CRX: variants seen among roughly 807,000 people sequenced by gnomAD.
CRX encodes the protein cone-rod homeobox protein.
In CRX, 5 loss-of-function variants were observed where a neutral mutation model predicts 13.1. That is an observed-to-expected ratio of 0.38 (90% CI 0.20 to 0.80). CRX has a LOEUF of 0.80. Among genes scored for constraint, CRX ranks in the 30% least tolerant of loss-of-function variants. The pLI is 0.43. For missense variants in CRX, 351 were observed against 391.8 expected (o/e 0.90, Z 0.88); for synonymous variants, 179 against 171.1 (o/e 1.05, Z -0.36).
chr19:47,833,663 A>G (rs1174404732), intron 1 of CRX, among the ~76,000 whole-genome samples: 1 of 152,130 alleles, frequency 6.6e-6, no homozygotes, highest in African/African-American at 2.4e-5. Context: ...TCTAGCACTG[A>G]AAGTCCTGTG....
intron 3 of CRX, among the ~76,000 whole-genome samples, chr19:47,837,456 C>T (rs889994988): frequency 2.6e-5 from 4 of 152,150 alleles, no homozygotes; most frequent in Non-Finnish European, 4.4e-5. Flanking sequence ...CGTGAGCCAC[C>T]GCGCCCGGCC....
chr19:47,836,386 A>AG lies in CRX; in HGVS notation c.247dup (p.Val83GlyfsTer11). Reference sequence around the variant, plus strand: ...TCTGAAGATCAATCTGCCTGAGTCCAGGGTTCAGGTGGGGTGGTGGGTCCC... The same window carrying AG: ...TCTGAAGATCAATCTGCCTGAGTCCAGGGGTTCAGGTGGGGTGGTGGGTCCC... On this transcript the variant is annotated frameshift_variant, in exon 3 of 4. Transcript: ENST00000221996. LOFTEE classifies it low-confidence loss of function (END_TRUNC). The AG allele has an allele frequency of 6.2e-7, 1 of 1,614,202 alleles. No individual in the cohort carries two copies. The highest frequency in any genetic ancestry group is 8.5e-7 in the Non-Finnish European group (1 of 1,180,032).
At chr19:47,823,764 C>T (rs1274670245) in intron 1 of CRX, among the ~76,000 whole-genome samples, 2 of 151,808 alleles carry the variant, frequency 1.3e-5, no homozygotes, top group Non-Finnish European at 2.9e-5. Flanking sequence ...ATTCTCCTGC[C>T]TCAGCCTCTC....
chr19:47,833,029 C>CTT (rs35088115), intron 1 of CRX, among the ~76,000 whole-genome samples: 22 of 88,246 alleles, frequency 2.5e-4, no homozygotes, highest in African/African-American at 7.2e-4. Context: ...TCCACACTCG[C>CTT]TTTTTTTTTT....
At chr19:47,834,600 C>G in intron 2 of CRX, 57 bp downstream of exon 2, 1 of 1,436,474 alleles carries the variant, frequency 7.0e-7, no homozygotes. Flanking sequence ...TGGAGGACCT[C>G]TGGGGTCCCT....
At chr19:47,828,610 G>GGTGTGT (rs1216767168) in intron 1 of CRX, among the ~76,000 whole-genome samples, 1 of 53,764 alleles carries the variant, frequency 1.9e-5, no homozygotes, top group Non-Finnish European at 3.9e-5. Flanking sequence ...AAGGAGGTAG[G>GGTGTGT]GAGCGTGTGT....
rs1415145757 is a variant in CRX, at chr19:47,841,174, A to C, written c.*1207A>C. ...CAGACTTCACAAATGTCAGGCTTAC[A>C]TGGTAGGTTTAGGGGACCGTTTGAG... On this transcript the variant is annotated 3_prime_UTR_variant, in exon 4 of 4. Transcript: ENST00000221996. The C allele has an allele frequency of 6.6e-6, 1 of 152,232 alleles. No homozygotes were observed. Among genetic ancestry groups the C allele is most frequent in the Non-Finnish European group, 1.5e-5 (1 of 68,040 alleles). 9.4% of individuals were successfully genotyped at this position (152,232 alleles called of 1,614,324 possible).
intron 1 of CRX, among the ~76,000 whole-genome samples, chr19:47,823,655 T>TA (rs1967939280): frequency 6.7e-6 from 1 of 149,510 alleles, no homozygotes; most frequent in Admixed American, 6.6e-5. Context: ...TCTGGTTTTT[T>TA]TTTTTTTTTT....
rs1429969809 is a variant in CRX at position 47,841,378 on chromosome 19, A to G, written c.*1411A>G. On this transcript the variant is annotated 3_prime_UTR_variant, in exon 4 of 4. Coordinates refer to ENST00000221996, the MANE Select transcript of CRX (RefSeq NM_000554.6). ...CTCTACTCCTTTTTTCTTTTGTTTT[A>G]GGATTTTCTAAAGGTGAGACACTGG... 6.6e-6 allele frequency: 1 copy of G among 152,108 alleles called. No individual in the cohort carries two copies. Among genetic ancestry groups the G allele is most frequent in the Admixed American group, 6.6e-5 (1 of 15,258 alleles). The allele number at this position is 152,108 out of a possible 1,614,324, so 9.4% of individuals were successfully genotyped here. A position where few individuals can be genotyped will look rare whatever the true frequency, so the allele number is the denominator to read the frequency against.
At chr19:47,823,752 C>G (rs1241860512) in intron 1 of CRX, among the ~76,000 whole-genome samples, 1 of 150,360 alleles carries the variant, frequency 6.7e-6, no homozygotes, top group Non-Finnish European at 1.5e-5. Context: ...CAGGTTCAAG[C>G]GATTCTCCTG....
chr19:47,828,204 C>T (rs956611024), intron 1 of CRX, among the ~76,000 whole-genome samples: 5 of 151,736 alleles, frequency 3.3e-5, no homozygotes, highest in Non-Finnish European at 7.4e-5. Flanking sequence ...TCTCTAGGAA[C>T]GGAACCAAGA....
rs769643927 is a variant in CRX, at chr19:47,839,291, C to T, written c.253-29C>T. On this transcript the variant is annotated intron_variant, in intron 3 of 3. Transcript: ENST00000221996. This position sits in a 1 kb window ranked among gnomAD's most constrained non-coding sequence, Gnocchi z 4.6. The stretch of plus-strand genomic sequence containing the variant: ...TCTCCTGGGCCTCTTCCCCACTTAC[C>T]CACCCCCATCTCCGCTCTTATCCCC... 13 of 1,605,744 alleles carry T rather than the reference C, an allele frequency of 8.1e-6. No homozygotes were observed. The highest frequency in any genetic ancestry group is 1.1e-5 in the Non-Finnish European group (13 of 1,176,652).
intron 1 of CRX, among the ~76,000 whole-genome samples, chr19:47,832,103 A>ATTTTTTT (rs1968054388): frequency 1.8e-5 from 1 of 55,164 alleles, no homozygotes; most frequent in Non-Finnish European, 4.1e-5. Context: ...GAGCAGCCTT[A>ATTTTTTT]TGTTTTTTTT....
At chr19:47,831,485 A>C (rs1349022351) in intron 1 of CRX, among the ~76,000 whole-genome samples, 1 of 152,116 alleles carries the variant, frequency 6.6e-6, no homozygotes, top group Non-Finnish European at 1.5e-5. Context: ...TCTCACAGGA[A>C]CGTGAACCCT....
chr19:47,830,800 A>AG (rs1968035085), intron 1 of CRX, among the ~76,000 whole-genome samples: 1 of 151,570 alleles, frequency 6.6e-6, no homozygotes, highest in Non-Finnish European at 1.5e-5. Context: ...CATTAAAAAA[A>AG]AAAAAAAGGA....
intron 1 of CRX, among the ~76,000 whole-genome samples, chr19:47,830,242 G>C (rs182595130): frequency 9.2e-5 from 14 of 152,042 alleles, no homozygotes; most frequent in South Asian, 8.3e-4. Context: ...CCAGGAGTTG[G>C]AGGCTGCAGT....
rs1191073588 is a variant in CRX at position 47,836,232 on chromosome 19, T to C, written c.101-11T>C. ...GATGACCTGAGGGTCCTGTTTCCCA[T>C]CCCACCCCAGGCGCCCCCAGGAAGC... is the stretch of plus-strand genomic sequence containing the variant. On this transcript the variant is annotated splice_polypyrimidine_tract_variant and intron_variant, in intron 2 of 3. Coordinates refer to ENST00000221996, the MANE Select transcript of CRX (RefSeq NM_000554.6). 2 of 1,614,042 alleles carry C rather than the reference T, an allele frequency of 1.2e-6. No homozygotes were observed. The highest frequency in any genetic ancestry group is 2.2e-5 in the South Asian group (2 of 91,082).
Position 47,839,335 on chromosome 19 carries a change from C to G in CRX, c.268C>G (p.Arg90Gly). ...ESRVQVWFKN[R>G]RAKCRQQRQQ... Reference sequence around the variant, plus strand: ...TATCCCCCAGGTTTGGTTCAAGAACCGGAGGGCTAAATGCAGGCAGCAGCG... The same window carrying G: ...TATCCCCCAGGTTTGGTTCAAGAACGGGAGGGCTAAATGCAGGCAGCAGCG... Residue 90 changes from arginine (R) to glycine (G), a missense_variant, in exon 4 of 4, where the codon CGG becomes GGG. Around this residue, in one of 3 missense-constraint regions of CRX, gnomAD observed 3 missense variants for 16.9 expected, o/e 0.18. Coordinates refer to ENST00000221996, the MANE Select transcript of CRX (RefSeq NM_000554.6). The surrounding 1 kb of genome is among the most constrained non-coding windows in gnomAD (Gnocchi z 4.6). 12 of 1,613,450 alleles carry G rather than the reference C, an allele frequency of 7.4e-6. No individual in the cohort carries two copies. Among genetic ancestry groups the G allele is most frequent in the Non-Finnish European group, 1.0e-5 (12 of 1,179,780 alleles).
intron 1 of CRX, among the ~76,000 whole-genome samples, chr19:47,823,945 C>G (rs867842065): frequency 6.6e-6 from 1 of 152,158 alleles, no homozygotes; most frequent in Admixed American, 6.6e-5. Flanking sequence ...CCACCACACC[C>G]GGCCGAGTCT....
Sources: gnomAD v4.1 joint callset for allele counts (sites outside exome capture counted in the v4.1 genomes callset) on GRCh38, gnomAD v4.1.1 for gene constraint, gnomAD v4.1.1 regional missense constraint, Gnocchi (gnomAD v3.1) non-coding constraint, MANE v1.5 for transcripts, NCBI Gene and HGNC (gene_info 2026-07-23, HGNC 2026-07-21) for gene names.